SUCLG2: variants seen among roughly 807,000 people sequenced by gnomAD.
The protein encoded by SUCLG2 is succinate--CoA ligase [GDP-forming] subunit beta, mitochondrial.
In SUCLG2, 42 loss-of-function variants were observed where a neutral mutation model predicts 47.9. The observed-to-expected ratio is 0.88, with a 90% CI of 0.69 to 1.14. The LOEUF is 1.14. Among genes scored for constraint, SUCLG2 ranks in the 50% most tolerant of loss-of-function variants. The pLI is 0.00. For missense variants in SUCLG2, 571 were observed against 525.9 expected, an observed-to-expected ratio of 1.09 and a Z score of -0.84; for synonymous variants, 195 against 197.3, an observed-to-expected ratio of 0.99 and a Z score of 0.10.
At chr3:67,489,650 C>T (rs528663169) in intron 9 of SUCLG2, among the ~76,000 whole-genome samples, 18 of 152,284 alleles carry the variant, frequency 1.2e-4, no homozygotes, top group African/African-American at 4.3e-4. Flanking sequence ...TAAATTCCTA[C>T]AAGAGTTCTA....
In SUCLG2 at chr3:67,654,547, G is replaced by A. The variant is rs1016954115; in HGVS notation, c.40C>T (p.Arg14Ter). Residue 14 changes from arginine to a stop codon, truncating the protein, a stop_gained, in exon 1 of 11, where the codon CGA becomes TGA. Coordinates refer to ENST00000307227, the MANE Select transcript of SUCLG2 (RefSeq NM_003848.4). LOFTEE classifies it high-confidence loss of function. ...AAGCGGGGCCGCAGCGCTAGGGCTC[G>A]CAGAAGCTTCCCGGCCTGCGCTGCT... ...PVAAQAGKLL[R>*]ALALRPRFLA... 1.6e-5 allele frequency: 20 copies of A among 1,268,342 alleles called. No homozygotes were observed. The highest frequency in any genetic ancestry group is 1.7e-5 in the Non-Finnish European group (17 of 1,004,714). The allele number at this position is 1,268,342 out of a possible 1,614,324, so 78.6% of individuals were successfully genotyped here. A position where few individuals can be genotyped will look rare whatever the true frequency, so the allele number is the denominator to read the frequency against.
intron 6 of SUCLG2, among the ~76,000 whole-genome samples, chr3:67,517,119 C>A (rs1171238772): frequency 1.3e-5 from 2 of 152,184 alleles, no homozygotes; most frequent in African/African-American, 2.4e-5. Flanking sequence ...AGGTTTAGTT[C>A]CAGATGACCC....
At position 67,575,314 on chromosome 3, in the gene SUCLG2, G is replaced by A. The variant is rs550685688; in HGVS notation, c.226+34141C>T. ...ACAATCTAAATGTCCACCAACTGGT[G>A]AACAGATTATCCACATAATAAAATA... On this transcript the variant is annotated intron_variant, in intron 2 of 10. Transcript: ENST00000307227. Among the ~76,000 whole-genome samples the A allele has an allele frequency of 4.6e-5, 7 of 152,244 alleles. No individual in the cohort carries two copies. In the South Asian group the frequency reaches 1.2e-3, roughly 27 times the overall value.
intron 9 of SUCLG2, among the ~76,000 whole-genome samples, chr3:67,427,825 C>A (rs374637221): frequency 3.2e-4 from 49 of 152,340 alleles, no homozygotes; most frequent in African/African-American, 1.1e-3. Context: ...TGTCCCATGC[C>A]TGGCTCAGAG....
intron 10 of SUCLG2, among the ~76,000 whole-genome samples, chr3:67,395,042 C>A (rs1269946094): frequency 2.0e-5 from 3 of 152,010 alleles, no homozygotes; most frequent in Non-Finnish European, 4.4e-5. Context: ...TGGAAAGGAA[C>A]AACCGGTACC....
intron 1 of SUCLG2, among the ~76,000 whole-genome samples, chr3:67,619,180 G>A (rs1000210860): frequency 1.3e-5 from 2 of 152,186 alleles, no homozygotes; most frequent in African/African-American, 2.4e-5. Flanking sequence ...TTACGTTGCT[G>A]ATCCAAATCA....
chr3:67,563,127 T>G (rs1707352516), intron 2 of SUCLG2, among the ~76,000 whole-genome samples: 1 of 150,172 alleles, frequency 6.7e-6, no homozygotes, highest in Non-Finnish European at 1.5e-5. Context: ...ACATAATATA[T>G]AATACATACA....
intron 7 of SUCLG2, among the ~76,000 whole-genome samples, chr3:67,505,815 A>G (rs1389115604): frequency 1.3e-5 from 2 of 152,008 alleles, no homozygotes; most frequent in African/African-American, 2.4e-5. Context: ...TACAAAAATT[A>G]GCTGGGCGCG....
chr3:67,464,061 C>T (rs924980738), intron 9 of SUCLG2, among the ~76,000 whole-genome samples: 1 of 152,172 alleles, frequency 6.6e-6, no homozygotes, highest in East Asian at 1.9e-4. Context: ...TTTGTGTTCC[C>T]GAACATTTAA....
At chr3:67,413,362 T>C (rs1329838932) in intron 9 of SUCLG2, among the ~76,000 whole-genome samples, 1 of 152,176 alleles carries the variant, frequency 6.6e-6, no homozygotes, top group Non-Finnish European at 1.5e-5. Context: ...ATGGGCTCAA[T>C]AAGACTGAAT....
rs551214887 is a variant in SUCLG2, at chr3:67,582,825, A to G, written c.226+26630T>C. 5.9e-5 allele frequency among the ~76,000 whole-genome samples: 9 copies of G among 152,074 alleles called. No homozygotes were observed. The South Asian group carries it at 1.9e-3, about 32-fold the overall frequency. On this transcript the variant is annotated intron_variant, in intron 2 of 10. Transcript: ENST00000307227. ...TAGCCATTCTGACTGACTACACCACACATCTAAACCATTCATTTTGGTGGA... is the reference window on the plus strand; with the variant it reads ...TAGCCATTCTGACTGACTACACCACGCATCTAAACCATTCATTTTGGTGGA...
At chr3:67,608,866 C>T (rs898847188) in intron 2 of SUCLG2, among the ~76,000 whole-genome samples, 1 of 151,826 alleles carries the variant, frequency 6.6e-6, no homozygotes, top group Non-Finnish European at 1.5e-5. Flanking sequence ...TTTGTAGAAA[C>T]GGGTTCTGCT....
chr3:67,625,734 C>A (rs1186101479), intron 1 of SUCLG2, among the ~76,000 whole-genome samples: 1 of 152,110 alleles, frequency 6.6e-6, no homozygotes, highest in Non-Finnish European at 1.5e-5. Flanking sequence ...GAGAACAAGC[C>A]CCCTCCCAAA....
At chr3:67,451,521 A>G (rs535561354) in intron 9 of SUCLG2, among the ~76,000 whole-genome samples, 43 of 152,298 alleles carry the variant, frequency 2.8e-4, no homozygotes, top group African/African-American at 9.9e-4. Context: ...GGCTAGGTAC[A>G]GGCAAATTCA....
At chr3:67,385,258 C>T (rs1702236382) in intron 10 of SUCLG2, among the ~76,000 whole-genome samples, 1 of 152,190 alleles carries the variant, frequency 6.6e-6, no homozygotes, top group South Asian at 2.1e-4. Flanking sequence ...AAAATGGCCA[C>T]ACCCACAGCT....
intron 9 of SUCLG2, among the ~76,000 whole-genome samples, chr3:67,434,088 T>C (rs1008176671): frequency 6.6e-6 from 1 of 152,180 alleles, no homozygotes; most frequent in Admixed American, 6.5e-5. Flanking sequence ...CCCAAATCAC[T>C]AAAGTACGAG....
At chr3:67,596,178 T>G (rs1160966456) in intron 2 of SUCLG2, among the ~76,000 whole-genome samples, 1 of 152,136 alleles carries the variant, frequency 6.6e-6, no homozygotes, top group Non-Finnish European at 1.5e-5. Context: ...CCTTGACGGG[T>G]TGTCTATAGG....
At chr3:67,467,985 A>T (rs1704515069) in intron 9 of SUCLG2, among the ~76,000 whole-genome samples, 2 of 152,284 alleles carry the variant, frequency 1.3e-5, no homozygotes, top group South Asian at 4.1e-4. Flanking sequence ...TGAATAGGAG[A>T]GAAAAGAGCC....
At chr3:67,384,219 G>C (rs936570823) in intron 10 of SUCLG2, among the ~76,000 whole-genome samples, 5 of 152,160 alleles carry the variant, frequency 3.3e-5, no homozygotes, top group Admixed American at 1.3e-4. Context: ...AATATTGCCT[G>C]CCAAATTCTT....
Sources: allele counts gnomAD v4.1 joint callset (sites outside exome capture counted in the v4.1 genomes callset), GRCh38; gene constraint gnomAD v4.1.1; transcripts MANE v1.5; gene names NCBI Gene and HGNC (gene_info 2026-07-23, HGNC 2026-07-21).